Variants in SAMD11 observed in about 807,000 individuals in gnomAD.
SAMD11 encodes sterile alpha motif domain containing 11.
A neutral mutation model predicts 64.4 loss-of-function variants in SAMD11; 77 were observed. The ratio of observed to expected loss-of-function variants is 1.20; its 90% CI spans 0.99 to 1.44. SAMD11 has a LOEUF of 1.44. Ranked by LOEUF, SAMD11 falls within the 40% of genes most tolerant of loss-of-function variation. The pLI is 0.00. For missense variants in SAMD11, 1,402 were observed against 943.3 expected, an observed-to-expected ratio of 1.49 and a Z score of -6.37; for synonymous variants, 658 against 421.9, an observed-to-expected ratio of 1.56 and a Z score of -6.86.
At position 944,199 on chromosome 1, in the gene SAMD11, C is replaced by G. The variant is rs368963177; in HGVS notation, c.*46C>G. On this transcript the variant is annotated 3_prime_UTR_variant, in exon 14 of 14. Coordinates refer to ENST00000616016, the MANE Select transcript of SAMD11 (RefSeq NM_001385641.1). ...GGGCCACACAAATCTCCAGGAGCCA[C>G]CACTCAACACAATGGCCCTGCCTCC... 1.7e-5 allele frequency: 26 copies of G among 1,498,462 alleles called. No individual in the cohort carries two copies. The highest frequency in any genetic ancestry group is 7.0e-5 in the Admixed American group (3 of 42,812). The allele number at this position is 1,498,462 out of a possible 1,614,324, so 92.8% of individuals were successfully genotyped here. A position where few individuals can be genotyped will look rare whatever the true frequency, so the allele number is the denominator to read the frequency against.
At chr1:933,684 C>G (rs774142730) in intron 4 of SAMD11, among the ~76,000 whole-genome samples, 3 of 152,280 alleles carry the variant, frequency 2.0e-5, no homozygotes, top group Middle Eastern at 6.8e-3. Flanking sequence ...GGATGAGTCT[C>G]GCTGCCGATT....
intron 1 of SAMD11, 53 bp from the exon 2 acceptor site, chr1:925,869 G>A (rs745646476): frequency 3.0e-6 from 4 of 1,350,418 alleles, no homozygotes; most frequent in South Asian, 1.2e-5. Context: ...GCCGCTGACT[G>A]CGCGCAGAAG....
chr1:930,251 G>A lies in SAMD11; in HGVS notation c.706G>A (p.Asp236Asn). The part of the protein sequence containing the change: ...RTPSFSASDG[D>N]SDGSGPTCGR... Reference sequence around the variant, plus strand: ...TCCCAGCTTCTCTGCCAGCGATGGTGACAGCGACGGGAGTGGCCCCACCTG... The same window carrying A: ...TCCCAGCTTCTCTGCCAGCGATGGTAACAGCGACGGGAGTGGCCCCACCTG... Residue 236 changes from aspartate to asparagine, a missense_variant, in exon 3 of 14, where the codon GAC becomes AAC. By Grantham distance (23) the Asp-to-Asn change is conservative. Coordinates refer to ENST00000616016, the MANE Select transcript of SAMD11 (RefSeq NM_001385641.1). The A allele has an allele frequency of 1.2e-6, 2 of 1,605,742 alleles. No individual in the cohort carries two copies. The highest frequency in any genetic ancestry group is 1.1e-5 in the South Asian group (1 of 89,376).
chr1:939,151 G>A, intron 6 of SAMD11, 22 bp downstream of exon 6: 2 of 1,566,944 alleles, frequency 1.3e-6, no homozygotes, highest in Non-Finnish European at 1.7e-6. Context: ...GCTGGGACGA[G>A]AGACAGGTCA....
intron 12 of SAMD11, 100 bp from the exon 13 acceptor site, chr1:943,598 A>G: frequency 7.5e-7 from 1 of 1,331,056 alleles, no homozygotes; most frequent in Non-Finnish European, 1.0e-6. Flanking sequence ...ACTGTTTTTA[A>G]AAAATTTCCG....
intron 2 of SAMD11, among the ~76,000 whole-genome samples, chr1:927,449 C>G (rs545076985): frequency 5.9e-5 from 9 of 152,210 alleles, no homozygotes; most frequent in South Asian, 2.1e-4. Flanking sequence ...GATGCCCCCC[C>G]ACCTGGGGCT....
chr1:942,167 C>A lies in SAMD11; in HGVS notation c.1390C>A (p.Pro464Thr). The A allele has an allele frequency of 1.4e-6, 2 of 1,433,866 alleles. No homozygotes were observed. The highest frequency in any genetic ancestry group is 9.2e-7 in the Non-Finnish European group (1 of 1,086,436). The allele number at this position is 1,433,866 out of a possible 1,614,324, so 88.8% of individuals were successfully genotyped here. Residue 464 changes from proline (P) to threonine (T), a missense_variant, in exon 9 of 14, where the codon CCG (proline) becomes ACG (threonine). Transcript: ENST00000616016. ...ELPQPPPLLSPQNAPHVALGP... is the reference protein window; with the variant it reads ...ELPQPPPLLSTQNAPHVALGP... ...GCCTCAGCCGCCCCCCTTGCTGTCG[C>A]CGCAGAATGCCCCTCACGTCGCCCT...
At chr1:926,133 G>C (rs1389971117) in intron 2 of SAMD11, 120 bp downstream of exon 2, 1 of 976,630 alleles carries the variant, frequency 1.0e-6, no homozygotes, top group Non-Finnish European at 1.6e-6. Flanking sequence ...GTGCTGGAGG[G>C]AGCCTCCGAA....
intron 2 of SAMD11, among the ~76,000 whole-genome samples, chr1:927,920 G>C (rs1371202040): frequency 6.6e-6 from 1 of 152,254 alleles, no homozygotes; most frequent in East Asian, 1.9e-4. Flanking sequence ...TGGGGTGCCG[G>C]TGTGTCCCCA....
At chr1:941,773 C>T (rs1248103565) in intron 8 of SAMD11, among the ~76,000 whole-genome samples, 1 of 152,120 alleles carries the variant, frequency 6.6e-6, no homozygotes, top group Non-Finnish European at 1.5e-5. Flanking sequence ...GCCCGAGTCC[C>T]TGCCCGGCCG....
At position 943,976 on chromosome 1, in the gene SAMD11, A is replaced by G; in HGVS notation, c.2358A>G (p.Pro786=). Residue 786 remains proline, a synonymous_variant, in exon 14 of 14, where the codon CCA becomes CCG. Transcript: ENST00000616016. ...SFPVALPLQP[P]TLRAPERELG... The stretch of plus-strand genomic sequence containing the variant: ...CCGTGGCTCTGCCACTGCAGCCACC[A>G]ACCCTGCGGGCCCCGGAGCGAGAAC... The G allele has an allele frequency of 6.2e-7, 1 of 1,612,808 alleles. No individual in the cohort carries two copies. The highest frequency in any genetic ancestry group is 2.2e-5 in the East Asian group (1 of 44,868).
At chr1:933,374 G>C (rs984532559) in intron 4 of SAMD11, among the ~76,000 whole-genome samples, 1 of 152,172 alleles carries the variant, frequency 6.6e-6, no homozygotes, top group African/African-American at 2.4e-5. Context: ...GGGAGGGCAG[G>C]TGGCACCCAG....
chr1:932,038 C>T (rs111274533), intron 4 of SAMD11, among the ~76,000 whole-genome samples: 7,061 of 152,304 alleles, frequency 0.046, 543 homozygotes, highest in African/African-American at 0.16. Context: ...CTTGGCTCCA[C>T]GCCAGATGTG....
intron 2 of SAMD11, among the ~76,000 whole-genome samples, chr1:927,004 C>T (rs1450396407): frequency 1.3e-5 from 2 of 152,114 alleles, no homozygotes; most frequent in Non-Finnish European, 2.9e-5. Context: ...GTGCCGTAGC[C>T]AGGGAGCTGG....
Position 944,201 on chromosome 1 carries a change from A to G in SAMD11, c.*48A>G, listed in dbSNP as rs748785279. 3.3e-6 allele frequency: 5 copies of G among 1,497,956 alleles called. No individual in the cohort carries two copies. The highest frequency in any genetic ancestry group is 4.4e-6 in the Non-Finnish European group (5 of 1,124,388). 92.8% of individuals were successfully genotyped at this position (1,497,956 alleles called of 1,614,324 possible). A position where few individuals can be genotyped will look rare whatever the true frequency, so the allele number is the denominator to read the frequency against. On this transcript the variant is annotated 3_prime_UTR_variant, in exon 14 of 14. Coordinates refer to ENST00000616016, the MANE Select transcript of SAMD11 (RefSeq NM_001385641.1). ...GCCACACAAATCTCCAGGAGCCACCACTCAACACAATGGCCCTGCCTCCCA... is the reference window on the plus strand; with the variant it reads ...GCCACACAAATCTCCAGGAGCCACCGCTCAACACAATGGCCCTGCCTCCCA...
In SAMD11 at chr1:944,355, T is replaced by G; in HGVS notation, c.*202T>G. The G allele has an allele frequency of 5.9e-6, 8 of 1,364,724 alleles. No individual in the cohort carries two copies. The highest frequency in any genetic ancestry group is 7.5e-6 in the Non-Finnish European group (8 of 1,066,076). The allele number at this position is 1,364,724 out of a possible 1,614,324, so 84.5% of individuals were successfully genotyped here. A position where few individuals can be genotyped will look rare whatever the true frequency, so the allele number is the denominator to read the frequency against. ...CAGAGCCTGGTGCAGATGGACGAGG[T>G]CTGCAGACGGAGGGCAGAGGTGGTG... On this transcript the variant is annotated 3_prime_UTR_variant, in exon 14 of 14. Coordinates refer to ENST00000616016, the MANE Select transcript of SAMD11 (RefSeq NM_001385641.1).
chr1:939,469 C>T (rs1334323558), intron 7 of SAMD11, 57 bp downstream of exon 7: 2 of 1,548,798 alleles, frequency 1.3e-6, no homozygotes, highest in Admixed American at 1.7e-5. Flanking sequence ...CGGTGAGGAC[C>T]CACCCTGGCA....
At chr1:936,629 C>T (rs539199516) in intron 5 of SAMD11, among the ~76,000 whole-genome samples, 35 of 152,214 alleles carry the variant, frequency 2.3e-4, no homozygotes, top group African/African-American at 7.9e-4. Context: ...GCCCCGAGGC[C>T]CTGTGGACCC....
At chr1:932,976 C>T (rs7418554) in intron 4 of SAMD11, among the ~76,000 whole-genome samples, 3,937 of 152,248 alleles carry the variant, frequency 0.026, 159 homozygotes, top group African/African-American at 0.085. Flanking sequence ...GAGGCCCATG[C>T]GTGGGCAGCT....
Sources: allele counts gnomAD v4.1 joint callset (sites outside exome capture counted in the v4.1 genomes callset), GRCh38; gene constraint gnomAD v4.1.1; transcripts MANE v1.5; gene names NCBI Gene and HGNC (gene_info 2026-07-23, HGNC 2026-07-21).